The following TRIM65 variants were observed in gnomAD, a reference collection of about 807,000 sequenced individuals.
TRIM65 encodes tripartite motif containing 65, also known as E3 ubiquitin-protein ligase TRIM65.
Under a neutral mutation model 36.1 loss-of-function variants are expected in TRIM65, and 46 were observed. That is an observed-to-expected ratio of 1.27 (90% CI 1.01 to 1.63). The LOEUF is 1.63. TRIM65 is among the 40% of genes most tolerant of loss of function. TRIM65 has a pLI of 0.00. For synonymous variants in TRIM65, 346 were observed against 313.6 expected, an observed-to-expected ratio of 1.10 and a Z score of -1.09; for missense variants, 708 against 696.6, an observed-to-expected ratio of 1.02 and a Z score of -0.18.
chr17:75,890,565 G>A lies in TRIM65; in HGVS notation c.*214C>T, dbSNP rs1324955946. The A allele has an allele frequency of 2.1e-6, 1 of 484,286 alleles. No homozygotes were observed. Among genetic ancestry groups the A allele is most frequent in the Non-Finnish European group, 3.6e-6 (1 of 280,136 alleles). The allele number at this position is 484,286 out of a possible 1,614,324, so 30.0% of individuals were successfully genotyped here. ...AGAACTGGGTTCTCTCTGGGGCAAGGGCATCCCATTTATCCCCCTCCTAGA... is the reference window on the plus strand; with the variant it reads ...AGAACTGGGTTCTCTCTGGGGCAAGAGCATCCCATTTATCCCCCTCCTAGA... On this transcript the variant is annotated 3_prime_UTR_variant, in exon 6 of 6. Coordinates refer to ENST00000269383, the MANE Select transcript of TRIM65 (RefSeq NM_173547.4).
downstream of TRIM65, among the ~76,000 whole-genome samples, chr17:75,884,913 G>C (rs1384205036): frequency 6.6e-6 from 1 of 151,246 alleles, no homozygotes; most frequent in Non-Finnish European, 1.5e-5. Flanking sequence ...TTACAGGTGT[G>C]AGCCACCTCG....
At chr17:75,896,435 A>G (rs1459182586) in intron 1 of TRIM65, 89 bp downstream of exon 1, 1 of 1,225,160 alleles carries the variant, frequency 8.2e-7, no homozygotes, top group Non-Finnish European at 1.0e-6. Flanking sequence ...CGGGTGCCCG[A>G]GAGAGCAGGG....
At chr17:75,887,558 A>G (rs1221043343), downstream of TRIM65, among the ~76,000 whole-genome samples, 1 of 150,806 alleles carries the variant, frequency 6.6e-6, no homozygotes, top group African/African-American at 2.4e-5. Flanking sequence ...GAGACAGGAG[A>G]ATGGCATGAA....
chr17:75,896,418 C>A (rs967825743), intron 1 of TRIM65, 106 bp downstream of exon 1: 2 of 1,220,248 alleles, frequency 1.6e-6, no homozygotes, highest in Non-Finnish European at 2.0e-6. Flanking sequence ...AGGCTCCCCG[C>A]CCCCGCCGGG....
chr17:75,892,936 A>G, intron 1 of TRIM65, 86 bp from the exon 2 acceptor site: 1 of 1,209,288 alleles, frequency 8.3e-7, no homozygotes, highest in Non-Finnish European at 1.2e-6. Flanking sequence ...CCATGCCTGC[A>G]GACACCAGGC....
rs890682577 is a variant in TRIM65, at chr17:75,892,354, C to T, written c.657G>A (p.Arg219=). The change falls in exon 3 of 6, where the codon CGG becomes CGA. Residue 219 remains arginine, a synonymous_variant. Transcript: ENST00000269383. ...CCACAGCCTCCAAATGGACCCGCAG[C>T]CGCTGCTCCTCGTCTCGAGCCTGTG... ...ALAQARDEEQ[R]LRVHLEAVAR... is the part of the protein sequence containing the mutation. 1.7e-5 allele frequency: 27 copies of T among 1,613,242 alleles called. No homozygotes were observed. Among genetic ancestry groups the T allele is most frequent in the African/African-American group, 1.2e-4 (9 of 74,948 alleles).
In TRIM65 at chr17:75,891,263, C is replaced by G; in HGVS notation, c.1070G>C (p.Arg357Pro). 6.2e-7 allele frequency: 1 copy of G among 1,612,958 alleles called. No homozygotes were observed. Among genetic ancestry groups the G allele is most frequent in the Non-Finnish European group, 8.5e-7 (1 of 1,179,754 alleles). Residue 357 changes from arginine to proline, a missense_variant, in exon 6 of 6, where the codon CGT becomes CCT. Physicochemically the swap from Arg to Pro is moderately radical, Grantham distance 103. Transcript: ENST00000269383. ...GGGCCCGCCTGGGCCCCGGGACTGA[C>G]GACAGTGCTTCACCTGCTGGTCCTG... is the stretch of plus-strand genomic sequence containing the variant. ...SRQDQQVKHCRQSRGPGGPGS... is the reference protein window; with the variant it reads ...SRQDQQVKHCPQSRGPGGPGS...
In TRIM65 at chr17:75,890,658, T is replaced by A; in HGVS notation, c.*121A>T. On this transcript the variant is annotated 3_prime_UTR_variant, in exon 6 of 6. Transcript: ENST00000269383. Reference sequence around the variant, plus strand: ...TATGCTCACCTCCCCCAACCTCCCATCTCTTTCTGAGTTAACAGAGAGGCC... The same window carrying A: ...TATGCTCACCTCCCCCAACCTCCCAACTCTTTCTGAGTTAACAGAGAGGCC... 1.2e-6 allele frequency: 1 copy of A among 841,110 alleles called. No individual in the cohort carries two copies. Among genetic ancestry groups the A allele is most frequent in the Non-Finnish European group, 1.7e-6 (1 of 572,968 alleles). 52.1% of individuals were successfully genotyped at this position (841,110 alleles called of 1,614,324 possible).
At chr17:75,892,600 TG>T (rs2065288239) in intron 2 of TRIM65, 100 bp from the exon 3 acceptor site, 4 of 1,283,324 alleles carry the variant, frequency 3.1e-6, no homozygotes, top group South Asian at 1.4e-5. Flanking sequence ...GTCAGGGATG[TG>T]GGGAGGCAGG....
downstream of TRIM65, among the ~76,000 whole-genome samples, chr17:75,886,538 A>C (rs977775409): frequency 1.5e-3 from 227 of 151,808 alleles, 1 homozygote; most frequent in Middle Eastern, 0.014. Context: ...AAAAAAAAAA[A>C]AAAACCAAAA....
downstream of TRIM65, among the ~76,000 whole-genome samples, chr17:75,880,132 G>GAAAGAA (rs2065160414): frequency 6.6e-6 from 1 of 150,712 alleles, no homozygotes; most frequent in Admixed American, 6.6e-5. Context: ...ATTTGGAATA[G>GAAAGAA]AAAGAAATGC....
At position 75,892,438 on chromosome 17, in the gene TRIM65, C is replaced by T; in HGVS notation, c.573G>A (p.Leu191=). The T allele has an allele frequency of 1.9e-6, 3 of 1,614,168 alleles. No homozygotes were observed. The highest frequency in any genetic ancestry group is 2.2e-5 in the South Asian group (2 of 91,084). ...TCAGTGCTGTCGTGTGCTGTATTTCCAGGGCCTGTAGCAGGCTGCTGAACT... is the reference window on the plus strand; with the variant it reads ...TCAGTGCTGTCGTGTGCTGTATTTCTAGGGCCTGTAGCAGGCTGCTGAACT... ...SGKFSSLLQA[L]EIQHTTALRS... The change falls in exon 3 of 6, where the codon CTG becomes CTA. Residue 191 remains leucine, a synonymous_variant. Transcript: ENST00000269383.
rs1382533176 is a variant in TRIM65 at position 75,883,532 on chromosome 17, T to TG, written c.350-2904_350-2903insC. ...TCTCACTGTCTCTGAACAAGTTTTT[T>TG]TTTTTTTTTTTTTGAGACGGAGTCT... On this transcript the variant is annotated intron_variant, in intron 4 of 4. Coordinates refer to the TRIM65 transcript ENST00000591668. Among the ~76,000 whole-genome samples, 16 of 143,818 alleles carry TG rather than the reference T, an allele frequency of 1.1e-4. 1 individual carries two copies. Among genetic ancestry groups the TG allele is most frequent in the Admixed American group, 7.5e-4 (11 of 14,656 alleles). 94.4% of individuals were successfully genotyped at this position (143,818 alleles called of 152,430 possible). A position where few individuals can be genotyped will look rare whatever the true frequency, so the allele number is the denominator to read the frequency against.
In TRIM65 at chr17:75,892,501, C is replaced by A; in HGVS notation, c.511-1G>T. On this transcript the variant is annotated splice_acceptor_variant, in intron 2 of 5. Coordinates refer to ENST00000269383, the MANE Select transcript of TRIM65 (RefSeq NM_173547.4). LOFTEE classifies it high-confidence loss of function. ...AGGAGGCCAAGATGCAGGCCGAGTT[C>A]TGGGCGGGAACAGGAGGGGCTTCAG... is the stretch of plus-strand genomic sequence containing the variant. 1 of 1,613,204 alleles carries A rather than the reference C, an allele frequency of 6.2e-7. No individual in the cohort carries two copies.
At position 75,896,838 on chromosome 17, in the gene TRIM65, C is replaced by T. The variant is rs1278557536; in HGVS notation, c.100G>A (p.Ala34Thr). 15 of 1,527,282 alleles carry T rather than the reference C, an allele frequency of 9.8e-6. No individual in the cohort carries two copies. The highest frequency in any genetic ancestry group is 1.3e-5 in the Non-Finnish European group (15 of 1,139,730). 94.6% of individuals were successfully genotyped at this position (1,527,282 alleles called of 1,614,324 possible). ...CGGTCCCACCAGTCCCGGATGCAGG[C>T]CCCGCAGAAGTTGTGGCCGCAGGGC... ...TLPCGHNFCG[A>T]CIRDWWDRCG... Residue 34 changes from alanine (A) to threonine (T), a missense_variant, in exon 1 of 6, where the codon GCC (alanine) becomes ACC (threonine). Ala to Thr is a moderately conservative substitution (Grantham distance 58). Coordinates refer to ENST00000269383, the MANE Select transcript of TRIM65 (RefSeq NM_173547.4).
chr17:75,880,655 T>C (rs2065163437), intron 4 of TRIM65: 1 of 150,494 alleles, frequency 6.6e-6, no homozygotes, highest in South Asian at 2.1e-4. Flanking sequence ...AGTAAGGAAA[T>C]GTTGGAGAGA....
chr17:75,881,703 G>A (rs938099334), intron 4 of TRIM65, among the ~76,000 whole-genome samples: 1 of 150,536 alleles, frequency 6.6e-6, no homozygotes, highest in Non-Finnish European at 1.5e-5. Flanking sequence ...CCAAAAGAGC[G>A]GTGCAATCTG....
downstream of TRIM65, among the ~76,000 whole-genome samples, chr17:75,886,318 C>T (rs1281559545): frequency 4.0e-5 from 6 of 151,886 alleles, no homozygotes; most frequent in Admixed American, 3.3e-4. Flanking sequence ...GTCAGGAGAT[C>T]GAGACCATCC....
In TRIM65 at chr17:75,890,919, G is replaced by C; in HGVS notation, c.1414C>G (p.Gln472Glu). 6.4e-7 allele frequency: 1 copy of C among 1,550,794 alleles called. No homozygotes were observed. The highest frequency in any genetic ancestry group is 8.7e-7 in the Non-Finnish European group (1 of 1,148,234). Reference sequence around the variant, plus strand: ...AGGGCATGGAAGGTGTACAGGGGCTGGGTCTGGGGCTCCAGGCTGTAGAAG... The same window carrying C: ...AGGGCATGGAAGGTGTACAGGGGCTCGGTCTGGGGCTCCAGGCTGTAGAAG... ...LTFYSLEPQT[Q>E]PLYTFHALFN... is the part of the protein sequence containing the mutation. Residue 472 changes from glutamine (Q) to glutamate (E), a missense_variant, in exon 6 of 6, where the codon CAG becomes GAG. Transcript: ENST00000269383.
Sources: allele counts gnomAD v4.1 joint callset (sites outside exome capture counted in the v4.1 genomes callset), GRCh38; gene constraint gnomAD v4.1.1; transcripts MANE v1.5; gene names NCBI Gene and HGNC (gene_info 2026-07-23, HGNC 2026-07-21).